PTPRT: variants seen among roughly 807,000 people sequenced by gnomAD.
PTPRT encodes receptor-type tyrosine-protein phosphatase T.
In PTPRT, 56 loss-of-function variants were observed where a neutral mutation model predicts 176.8. That is an observed-to-expected ratio of 0.32 (90% CI 0.26 to 0.40). The LOEUF is 0.40. Ranked by LOEUF, PTPRT falls within the 10% of genes least tolerant of loss-of-function variation. The pLI, the probability that PTPRT is intolerant of heterozygous loss-of-function variation, is 1.00. For synonymous variants in PTPRT, 783 were observed against 739.0 expected, an observed-to-expected ratio of 1.06 and a Z score of -0.96; for missense variants, 1,540 against 1,908.2, an observed-to-expected ratio of 0.81 and a Z score of 3.60.
chr20:42,508,949 T>C (rs1199897483), intron 7 of PTPRT, among the ~76,000 whole-genome samples: 1 of 141,750 alleles, frequency 7.1e-6, no homozygotes, highest in Non-Finnish European at 1.5e-5. Flanking sequence ...AAATATAATT[T>C]ATATTTAATT....
At chr20:43,090,956 C>T (rs2011820504) in intron 1 of PTPRT, among the ~76,000 whole-genome samples, 1 of 152,190 alleles carries the variant, frequency 6.6e-6, no homozygotes, top group Admixed American at 6.5e-5. Context: ...CCTGGCTGGG[C>T]ACAGTGGCTC....
rs35514244 is a variant in PTPRT at position 43,026,352 on chromosome 20, G to A, written c.89-140420C>T. Among the ~76,000 whole-genome samples, 1,332 of 152,176 alleles carry A rather than the reference G, an allele frequency of 8.8e-3. 11 individuals are homozygous for A. The highest frequency in any genetic ancestry group is 0.014 in the Non-Finnish European group (963 of 68,006). On this transcript the variant is annotated intron_variant, in intron 1 of 30. Coordinates refer to ENST00000373187, the MANE Select transcript of PTPRT (RefSeq NM_007050.6). ...AGGCTGGTCTCAAACTCCTGACCTCGTTGTCTGCCTGCCTCGGCCTCGCAA... is the reference window on the plus strand; with the variant it reads ...AGGCTGGTCTCAAACTCCTGACCTCATTGTCTGCCTGCCTCGGCCTCGCAA...
chr20:42,845,104 A>G (rs372083567), intron 2 of PTPRT, among the ~76,000 whole-genome samples: 86 of 152,296 alleles, frequency 5.6e-4, no homozygotes, highest in Non-Finnish European at 9.6e-4. Flanking sequence ...CAAAGTGTCT[A>G]GACATTGGTA....
At position 42,210,700 on chromosome 20, in the gene PTPRT, C is replaced by T. The variant is rs867655656; in HGVS notation, c.2343-11312G>A. ...GCTCATGGGTAGGAAGAATCAATAT[C>T]GTGAAAATGGCCATACTGCCCAAGG... On this transcript the variant is annotated intron_variant, in intron 15 of 30. Transcript: ENST00000373187. Among the ~76,000 whole-genome samples the T allele has an allele frequency of 5.3e-5, 8 of 151,718 alleles. No homozygotes were observed. The East Asian group carries it at 9.7e-4, about 18-fold the overall frequency.
At chr20:42,110,876 C>T (rs1295979377) in intron 22 of PTPRT, among the ~76,000 whole-genome samples, 1 of 152,146 alleles carries the variant, frequency 6.6e-6, no homozygotes, top group Non-Finnish European at 1.5e-5. Flanking sequence ...CCAAGTCAGT[C>T]CAAATTGTTT....
chr20:42,731,742 T>C (rs2076463967), intron 6 of PTPRT, among the ~76,000 whole-genome samples: 1 of 152,148 alleles, frequency 6.6e-6, no homozygotes, highest in Non-Finnish European at 1.5e-5. Context: ...AGTGATTTGA[T>C]TCCTGATTAT....
intron 1 of PTPRT, among the ~76,000 whole-genome samples, chr20:42,900,783 G>A (rs887298447): frequency 2.0e-5 from 3 of 152,086 alleles, no homozygotes; most frequent in East Asian, 1.9e-4. Flanking sequence ...AAAACCCCTC[G>A]TGGCCTTTGG....
chr20:42,824,497 AC>A (rs1305211810), intron 2 of PTPRT, among the ~76,000 whole-genome samples: 1 of 152,058 alleles, frequency 6.6e-6, no homozygotes, highest in Non-Finnish European at 1.5e-5. Context: ...GAACAGCCCC[AC>A]TTTTAATGAG....
Position 42,542,672 on chromosome 20 carries a change from T to C in PTPRT, c.1154-70110A>G, listed in dbSNP as rs114959805. On this transcript the variant is annotated intron_variant, in intron 7 of 30. Transcript: ENST00000373187. ...CAAAGAATTCTACTTCTAAGAATTT[T>C]TCCTACTAATATACTCACACATGCA... Among the ~76,000 whole-genome samples, 320 of 152,318 alleles carry C rather than the reference T, an allele frequency of 2.1e-3. 2 individuals are homozygous for C. Among genetic ancestry groups the C allele is most frequent in the Middle Eastern group, 0.01 (3 of 294 alleles).
At chr20:42,197,708 G>C (rs1991285482) in intron 16 of PTPRT, among the ~76,000 whole-genome samples, 1 of 151,284 alleles carries the variant, frequency 6.6e-6, no homozygotes, top group Non-Finnish European at 1.5e-5. Flanking sequence ...ACTTCTAAAT[G>C]ATTCAGAAAA....
At chr20:42,706,352 A>G (rs2076059368) in intron 6 of PTPRT, among the ~76,000 whole-genome samples, 1 of 151,954 alleles carries the variant, frequency 6.6e-6, no homozygotes, top group Non-Finnish European at 1.5e-5. Flanking sequence ...GAATTGGCTC[A>G]TCTTTGCAAC....
intron 9 of PTPRT, among the ~76,000 whole-genome samples, chr20:42,410,897 A>G (rs6072732): frequency 0.036 from 5,529 of 152,230 alleles, 119 homozygotes; most frequent in African/African-American, 0.056. Context: ...ATCATGTCAA[A>G]CTATGTGTGG....
At chr20:42,640,180 C>T (rs931423385) in intron 7 of PTPRT, among the ~76,000 whole-genome samples, 1 of 152,060 alleles carries the variant, frequency 6.6e-6, no homozygotes, top group African/African-American at 2.4e-5. Context: ...CTTGAACCAA[C>T]GTGAAGTGTA....
chr20:42,089,922 G>T (rs545827151), intron 27 of PTPRT, among the ~76,000 whole-genome samples: 6 of 152,302 alleles, frequency 3.9e-5, no homozygotes, highest in Non-Finnish European at 8.8e-5. Flanking sequence ...GCTCAAGACT[G>T]TCCTGGTGTT....
chr20:42,388,929 T>G (rs1425366908), intron 9 of PTPRT, among the ~76,000 whole-genome samples: 1 of 152,128 alleles, frequency 6.6e-6, no homozygotes, highest in Non-Finnish European at 1.5e-5. Flanking sequence ...TAATACACCG[T>G]GGAATACTAT....
At chr20:42,694,773 T>C (rs768048456) in intron 6 of PTPRT, among the ~76,000 whole-genome samples, 3 of 134,630 alleles carry the variant, frequency 2.2e-5, no homozygotes, top group Non-Finnish European at 4.7e-5. Flanking sequence ...TAATGGCTAA[T>C]AGCATGGAAC....
chr20:42,460,191 T>C (rs776111435), intron 8 of PTPRT, among the ~76,000 whole-genome samples: 2 of 152,092 alleles, frequency 1.3e-5, no homozygotes, highest in Admixed American at 6.5e-5. Flanking sequence ...GAGGTATCAA[T>C]TGGGAAAATT....
chr20:42,343,099 G>A (rs897633698), intron 11 of PTPRT, among the ~76,000 whole-genome samples: 2 of 152,102 alleles, frequency 1.3e-5, no homozygotes, highest in Non-Finnish European at 2.9e-5. Flanking sequence ...AGCAACCTAA[G>A]AAAGCAGGTC....
intron 1 of PTPRT, among the ~76,000 whole-genome samples, chr20:43,128,468 G>A (rs2013528692): frequency 1.3e-5 from 2 of 152,192 alleles, no homozygotes; most frequent in Admixed American, 6.5e-5. Flanking sequence ...CAGTCTTGGA[G>A]TTACCAACCC....
Sources: gnomAD v4.1 joint callset for allele counts (sites outside exome capture counted in the v4.1 genomes callset) on GRCh38, gnomAD v4.1.1 for gene constraint, MANE v1.5 for transcripts, NCBI Gene and HGNC (gene_info 2026-07-23, HGNC 2026-07-21) for gene names.